The following SMAD2 variants were observed in gnomAD, a reference collection of about 807,000 sequenced individuals.
SMAD2 encodes the protein MAD homolog 2.
In SMAD2, 8 loss-of-function variants were observed where a neutral mutation model predicts 64.4. That is an observed-to-expected ratio of 0.12 (90% confidence interval 0.07 to 0.22). The LOEUF (loss-of-function observed/expected upper bound fraction) is 0.22, where lower values mean the gene tolerates loss of function less well. Among genes scored for constraint, SMAD2 ranks in the 10% least tolerant of loss-of-function variants. The probability of loss-of-function intolerance (pLI) is 1.00; values close to 1 mark genes in which losing one functional copy is unlikely to be tolerated. For missense variants in SMAD2, 289 were observed against 561.2 expected (o/e 0.51, Z 4.90); for synonymous variants, 203 against 195.8 (o/e 1.04, Z -0.31).
At chr18:47,892,817 G>C (rs778591967) in intron 2 of SMAD2, among the ~76,000 whole-genome samples, 1 of 151,976 alleles carries the variant, frequency 6.6e-6, no homozygotes, top group Non-Finnish European at 1.5e-5. Context: ...GTGATTACAT[G>C]GTCAGAGTAC....
chr18:47,894,918 T>C (rs2144468193), intron 2 of SMAD2, among the ~76,000 whole-genome samples: 1 of 152,242 alleles, frequency 6.6e-6, no homozygotes, highest in East Asian at 1.9e-4. Context: ...AAGTCCTCAG[T>C]TCCACTTCTA....
intron 7 of SMAD2, among the ~76,000 whole-genome samples, chr18:47,849,964 G>A (rs1053001213): frequency 6.6e-6 from 1 of 151,202 alleles, no homozygotes; most frequent in Non-Finnish European, 1.5e-5. Context: ...CCGAGATTGC[G>A]CCACTGCACT....
Position 47,841,495 on chromosome 18 carries a change from G to C in SMAD2, c.*332C>G, listed in dbSNP as rs1913949709. 9.2e-6 allele frequency: 4 copies of C among 434,144 alleles called. No individual in the cohort carries two copies. Among genetic ancestry groups the C allele is most frequent in the Middle Eastern group, 6.6e-4 (1 of 1,520 alleles). The allele number at this position is 434,144 out of a possible 1,614,324, so 26.9% of individuals were successfully genotyped here. A position where few individuals can be genotyped will look rare whatever the true frequency, so the allele number is the denominator to read the frequency against. ...ATGTATATAAACAGCACAATACTGT[G>C]ATACTGGATCATGATACATTACCTG... is the stretch of plus-strand genomic sequence containing the variant. On this transcript the variant is annotated 3_prime_UTR_variant, in exon 11 of 11. Coordinates refer to ENST00000262160, the MANE Select transcript of SMAD2 (RefSeq NM_005901.6).
At chr18:47,878,898 C>G (rs559213326) in intron 2 of SMAD2, among the ~76,000 whole-genome samples, 1 of 152,120 alleles carries the variant, frequency 6.6e-6, no homozygotes, top group Non-Finnish European at 1.5e-5. Flanking sequence ...TCTATCCATC[C>G]CTTACTTTTT....
At chr18:47,884,083 C>G (rs1438639615) in intron 2 of SMAD2, among the ~76,000 whole-genome samples, 1 of 152,178 alleles carries the variant, frequency 6.6e-6, no homozygotes, top group East Asian at 1.9e-4. Flanking sequence ...CCTATCACTG[C>G]TCTCTCAAGT....
chr18:47,844,779 G>A (rs529716513), intron 10 of SMAD2: 1 of 155,604 alleles, frequency 6.4e-6, no homozygotes, highest in Non-Finnish European at 1.4e-5. Flanking sequence ...ATAATTTTTA[G>A]ATACTACACT....
chr18:47,893,024 T>C (rs1280130414), intron 2 of SMAD2, among the ~76,000 whole-genome samples: 2 of 152,246 alleles, frequency 1.3e-5, no homozygotes, highest in Non-Finnish European at 2.9e-5. Flanking sequence ...TTTTTCCTTA[T>C]GTCTGATTCT....
rs577358807 is a variant in SMAD2 at position 47,865,835 on chromosome 18, T to C, written c.656-702A>G. On this transcript the variant is annotated intron_variant, in intron 5 of 10. Coordinates refer to ENST00000262160, the MANE Select transcript of SMAD2 (RefSeq NM_005901.6). ...ACATGTTGTCTGAATAAAACACTTA[T>C]GTTCAGAAAGGTATCTGAATAGCTG... Among the ~76,000 whole-genome samples the C allele has an allele frequency of 1.2e-4, 19 of 152,348 alleles. 1 individual carries two copies. The South Asian group carries it at 3.7e-3, about 30-fold the overall frequency.
At chr18:47,918,667 T>G (rs1322123591) in intron 1 of SMAD2, among the ~76,000 whole-genome samples, 1 of 152,178 alleles carries the variant, frequency 6.6e-6, no homozygotes, top group Non-Finnish European at 1.5e-5. Context: ...GAAATAAGAC[T>G]GAGCAACCCT....
At position 47,828,453 on chromosome 18, in the gene SMAD2, G is replaced by A. The variant is rs979750043; in HGVS notation, c.*13374C>T. 6.7e-4 allele frequency: 111 copies of A among 166,750 alleles called. 2 individuals are homozygous for A. The South Asian group carries it at 0.015, about 22-fold the overall frequency. The allele number at this position is 166,750 out of a possible 1,614,324, so 10.3% of individuals were successfully genotyped here. A position where few individuals can be genotyped will look rare whatever the true frequency, so the allele number is the denominator to read the frequency against. On this transcript the variant is annotated 3_prime_UTR_variant, in exon 11 of 11. Coordinates refer to ENST00000262160, the MANE Select transcript of SMAD2 (RefSeq NM_005901.6). ...AGGTGTACCCAACAGCTCATTGAGA[G>A]CGGGCCATGATGACGATGGCGGTTT...
At chr18:47,856,198 G>C (rs575863311) in intron 6 of SMAD2, among the ~76,000 whole-genome samples, 89 of 152,034 alleles carry the variant, frequency 5.9e-4, no homozygotes, top group African/African-American at 2.1e-3. Context: ...TTACAGGTTG[G>C]GGGGAAAATA....
At chr18:47,907,320 G>C (rs1459970431) in intron 1 of SMAD2, among the ~76,000 whole-genome samples, 1 of 152,222 alleles carries the variant, frequency 6.6e-6, no homozygotes, top group Non-Finnish European at 1.5e-5. Flanking sequence ...CTCATAAAAA[G>C]GAATACTGCT....
At chr18:47,863,996 G>T (rs2031378980) in intron 6 of SMAD2, among the ~76,000 whole-genome samples, 1 of 152,004 alleles carries the variant, frequency 6.6e-6, no homozygotes, top group South Asian at 2.1e-4. Context: ...TCTCACTGTG[G>T]TTTATGACGT....
At position 47,834,419 on chromosome 18, in the gene SMAD2, T is replaced by TATCCAGGGAAAGTCCCGC. The variant is rs1444706400; in HGVS notation, c.*7390_*7407dup. On this transcript the variant is annotated 3_prime_UTR_variant, in exon 11 of 11. Coordinates refer to ENST00000262160, the MANE Select transcript of SMAD2 (RefSeq NM_005901.6). ...ATACAAAACTCTGCTAAAAGTTTTG[T>TATCCAGGGAAAGTCCCGC]ATCCAGGGAAAGTCCCGCATCCAGG... The TATCCAGGGAAAGTCCCGC allele has an allele frequency of 1.4e-5, 3 of 207,132 alleles. No individual in the cohort carries two copies. Among genetic ancestry groups the TATCCAGGGAAAGTCCCGC allele is most frequent in the African/African-American group, 2.3e-5 (1 of 43,864 alleles). The allele number at this position is 207,132 out of a possible 1,614,324, so 12.8% of individuals were successfully genotyped here. A position where few individuals can be genotyped will look rare whatever the true frequency, so the allele number is the denominator to read the frequency against.
intron 1 of SMAD2, 102 bp from the exon 2 acceptor site, chr18:47,896,911 G>A (rs376301644): frequency 9.2e-6 from 10 of 1,084,188 alleles, no homozygotes; most frequent in African/African-American, 3.1e-5. Flanking sequence ...ATAGAAATTC[G>A]AATTATGACT....
intron 6 of SMAD2, among the ~76,000 whole-genome samples, chr18:47,855,758 A>C: frequency 6.6e-6 from 1 of 152,046 alleles, no homozygotes; most frequent in East Asian, 1.9e-4. Context: ...AGTAGCTGGG[A>C]CCACAGGTGT....
chr18:47,926,880 G>GATCA (rs1442474896), intron 1 of SMAD2, among the ~76,000 whole-genome samples: 15 of 152,186 alleles, frequency 9.9e-5, no homozygotes, highest in African/African-American at 3.6e-4. Flanking sequence ...CTTGAATTGT[G>GATCA]ATCACTGAAT....
chr18:47,905,316 AAGAG>A (rs1241722463), intron 1 of SMAD2, among the ~76,000 whole-genome samples: 2 of 152,206 alleles, frequency 1.3e-5, no homozygotes, highest in African/African-American at 4.8e-5. Flanking sequence ...ACACTGAACA[AAGAG>A]AGATCATGTT....
rs987222993 is a variant in SMAD2 at position 47,819,194 on chromosome 18, A to G, written c.*22633T>C. 6.6e-6 allele frequency: 1 copy of G among 152,218 alleles called. No homozygotes were observed. Among genetic ancestry groups the G allele is most frequent in the East Asian group, 1.9e-4 (1 of 5,200 alleles). 9.4% of individuals were successfully genotyped at this position (152,218 alleles called of 1,614,324 possible). On this transcript the variant is annotated 3_prime_UTR_variant, in exon 11 of 11. Coordinates refer to ENST00000262160, the MANE Select transcript of SMAD2 (RefSeq NM_005901.6). ...TAAAATAATTGGTAAATCAAAAATA[A>G]GTGTCTTTAAAATTTTTGCCTGAAT...
Sources: gnomAD v4.1 joint callset for allele counts (sites outside exome capture counted in the v4.1 genomes callset) on GRCh38, gnomAD v4.1.1 for gene constraint, MANE v1.5 for transcripts, NCBI Gene and HGNC (gene_info 2026-07-23, HGNC 2026-07-21) for gene names.